The following SLC8A1 variants were observed in gnomAD, a reference collection of about 807,000 sequenced individuals.
SLC8A1 encodes sodium/calcium exchanger 1.
In SLC8A1, 18 loss-of-function variants were observed where a neutral mutation model predicts 68.3. The observed-to-expected ratio is 0.26, with a 90% CI of 0.18 to 0.39. The LOEUF (loss-of-function observed/expected upper bound fraction) is 0.39. SLC8A1 is among the 10% of genes least tolerant of loss of function. The probability of loss-of-function intolerance (pLI) is 1.00; values close to 1 mark genes in which losing one functional copy is unlikely to be tolerated. For missense variants in SLC8A1, 985 were observed against 1,156.7 expected (o/e 0.85, Z 2.15); for synonymous variants, 475 against 415.5 (o/e 1.14, Z -1.74).
At chr2:40,395,633 G>A (rs948696330) in intron 2 of SLC8A1, among the ~76,000 whole-genome samples, 5 of 152,134 alleles carry the variant, frequency 3.3e-5, no homozygotes. Flanking sequence ...TGTTCTAAGA[G>A]AGGAAAGGTA....
At chr2:40,470,341 A>C (rs1348901141) in intron 1 of SLC8A1, among the ~76,000 whole-genome samples, 2 of 152,112 alleles carry the variant, frequency 1.3e-5, no homozygotes, top group African/African-American at 4.8e-5. Context: ...CTAGAAGTAA[A>C]TTATCCTAAG....
intron 7 of SLC8A1, among the ~76,000 whole-genome samples, chr2:40,138,034 AT>A (rs1474308370): frequency 6.6e-6 from 1 of 152,116 alleles, no homozygotes; most frequent in Non-Finnish European, 1.5e-5. Flanking sequence ...CAGAAATACA[AT>A]TTTATTAAAT....
chr2:40,120,287 T>C (rs568929568), intron 7 of SLC8A1, among the ~76,000 whole-genome samples: 22 of 152,132 alleles, frequency 1.4e-4, no homozygotes, highest in Non-Finnish European at 3.1e-4. Context: ...TTAATTGGAG[T>C]CCATCCTGGC....
At chr2:40,135,980 T>G (rs2040427097) in intron 7 of SLC8A1, among the ~76,000 whole-genome samples, 1 of 152,162 alleles carries the variant, frequency 6.6e-6, no homozygotes, top group Admixed American at 6.5e-5. Context: ...AATCTTTCAC[T>G]TAGAGGAAAA....
chr2:40,232,348 T>C (rs555854300), intron 2 of SLC8A1, among the ~76,000 whole-genome samples: 17 of 152,130 alleles, frequency 1.1e-4, no homozygotes, highest in South Asian at 2.1e-4. Flanking sequence ...TACAGACAGA[T>C]TGTATTATTT....
chr2:40,507,479 T>A (rs566560151), intron 1 of SLC8A1, among the ~76,000 whole-genome samples: 1 of 152,186 alleles, frequency 6.6e-6, no homozygotes, highest in East Asian at 1.9e-4. Flanking sequence ...TTAAACTAAG[T>A]GGACTGTAAT....
chr2:40,193,767 G>T (rs439960), intron 2 of SLC8A1, among the ~76,000 whole-genome samples: 2 of 151,978 alleles, frequency 1.3e-5, no homozygotes, highest in African/African-American at 2.4e-5. Context: ...AGAGGGGGCA[G>T]GGAAGCAGAT....
intron 7 of SLC8A1, chr2:40,118,222 T>A (rs1009645188): frequency 1.3e-5 from 2 of 152,230 alleles, no homozygotes; most frequent in African/African-American, 4.8e-5. Flanking sequence ...CAAATGTGAA[T>A]TTTTAAACCA....
At chr2:40,438,680 T>G (rs905019154) in intron 1 of SLC8A1, among the ~76,000 whole-genome samples, 4 of 152,164 alleles carry the variant, frequency 2.6e-5, no homozygotes. Context: ...AGAAATGATA[T>G]GGACAAAGGC....
chr2:40,337,540 A>C (rs1010454314), intron 2 of SLC8A1, among the ~76,000 whole-genome samples: 18 of 152,162 alleles, frequency 1.2e-4, no homozygotes, highest in African/African-American at 4.3e-4. Context: ...TAGCAGATCC[A>C]ATTACCAGCT....
chr2:40,237,484 G>A (rs896242537), intron 2 of SLC8A1, among the ~76,000 whole-genome samples: 68 of 152,018 alleles, frequency 4.5e-4, no homozygotes, highest in South Asian at 6.3e-4. Context: ...CTCTGTATTG[G>A]TTATTCTAGT....
At chr2:40,146,298 C>A (rs2042447732) in intron 6 of SLC8A1, among the ~76,000 whole-genome samples, 1 of 152,128 alleles carries the variant, frequency 6.6e-6, no homozygotes, top group Non-Finnish European at 1.5e-5. Context: ...TTTAAAATTT[C>A]TCTGCCGAAT....
intron 2 of SLC8A1, among the ~76,000 whole-genome samples, chr2:40,194,515 A>T (rs1383674344): frequency 7.0e-6 from 1 of 142,344 alleles, no homozygotes; most frequent in Non-Finnish European, 1.5e-5. Context: ...GTGCGCGCGC[A>T]AAGAAAACGA....
Position 40,356,700 on chromosome 2 carries a change from G to T in SLC8A1, c.1808+71773C>A, listed in dbSNP as rs186821325. Among the ~76,000 whole-genome samples, 118 of 152,174 alleles carry T rather than the reference G, an allele frequency of 7.8e-4. 1 individual carries two copies. The highest frequency in any genetic ancestry group is 2.7e-3 in the African/African-American group (114 of 41,540). ...CATGCAGAGAAGGGTCCAGATGTAA[G>T]AAAGACTAAAACACAGCTAAGGGAG... On this transcript the variant is annotated intron_variant, in intron 2 of 7. Transcript: ENST00000406785.
chr2:40,354,314 G>A (rs1231907511), intron 2 of SLC8A1, among the ~76,000 whole-genome samples: 1 of 152,154 alleles, frequency 6.6e-6, no homozygotes, highest in African/African-American at 2.4e-5. Context: ...AGGGCCATCT[G>A]TATTCTCCCT....
intron 4 of SLC8A1, among the ~76,000 whole-genome samples, chr2:40,168,095 C>T (rs1259714669): frequency 2.6e-5 from 4 of 152,086 alleles, no homozygotes; most frequent in African/African-American, 9.7e-5. Flanking sequence ...GTACTCCATA[C>T]CATGTCAGCA....
intron 1 of SLC8A1, among the ~76,000 whole-genome samples, chr2:40,475,685 T>C (rs931977329): frequency 2.6e-5 from 4 of 152,040 alleles, no homozygotes; most frequent in African/African-American, 9.7e-5. Context: ...TATAAATACA[T>C]AAATACATAT....
intron 2 of SLC8A1, among the ~76,000 whole-genome samples, chr2:40,182,604 T>C (rs1305048673): frequency 6.6e-6 from 1 of 152,222 alleles, no homozygotes; most frequent in Non-Finnish European, 1.5e-5. Flanking sequence ...AACCAACATC[T>C]ATACTTTACT....
intron 1 of SLC8A1, among the ~76,000 whole-genome samples, chr2:40,490,775 G>T (rs1297806876): frequency 6.6e-6 from 1 of 151,978 alleles, no homozygotes; most frequent in Non-Finnish European, 1.5e-5. Context: ...CTAGTGAAAA[G>T]AATCAAAAAT....
Sources: gnomAD v4.1 joint callset for allele counts (sites outside exome capture counted in the v4.1 genomes callset) on GRCh38, gnomAD v4.1.1 for gene constraint, MANE v1.5 for transcripts, NCBI Gene and HGNC (gene_info 2026-07-23, HGNC 2026-07-21) for gene names.